Variants in ZNF407 observed in about 807,000 individuals in gnomAD.
The protein encoded by ZNF407 is zinc finger protein 407.
Under a neutral mutation model 131.2 loss-of-function variants are expected in ZNF407, and 17 were observed. The observed-to-expected ratio is 0.13, with a 90% confidence interval of 0.09 to 0.19. ZNF407 has a LOEUF of 0.19. Among genes scored for constraint, ZNF407 ranks in the 10% least tolerant of loss-of-function variants. ZNF407 has a pLI of 1.00. For missense variants in ZNF407, 2,681 were observed against 2,830.6 expected (o/e 0.95, Z 1.20); for synonymous variants, 1,156 against 1,062.0 (o/e 1.09, Z -1.72).
chr18:74,691,804 T>C (rs1337692287), intron 3 of ZNF407, among the ~76,000 whole-genome samples: 1 of 152,118 alleles, frequency 6.6e-6, no homozygotes, highest in African/African-American at 2.4e-5. Context: ...AAGTAAATAA[T>C]ATTTATGGGC....
rs1016372429 is a variant in ZNF407 at position 74,830,272 on chromosome 18, T to C, written c.4878-46925T>C. ...ATGTACACCCACATTTTAACCTTTT[T>C]TAAGATTATTTTATTTTATTACTTT... On this transcript the variant is annotated intron_variant, in intron 4 of 8. Coordinates refer to ENST00000299687, the MANE Select transcript of ZNF407 (RefSeq NM_017757.3). Among the ~76,000 whole-genome samples, 3 of 152,252 alleles carry C rather than the reference T, an allele frequency of 2.0e-5. No homozygotes were observed. The South Asian group carries it at 6.2e-4, about 32-fold the overall frequency.
At chr18:75,051,925 G>T (rs992602488) in intron 8 of ZNF407, among the ~76,000 whole-genome samples, 2 of 152,180 alleles carry the variant, frequency 1.3e-5, no homozygotes, top group Admixed American at 6.5e-5. Flanking sequence ...ACAGCCAGCT[G>T]CCCATTTGAC....
In ZNF407 at chr18:75,063,230, G is replaced by C. The variant is rs765964289; in HGVS notation, c.5509G>C (p.Ala1837Pro). ...FVETDSPFTA[A>P]ALAEEPLVKE... ...GGAGACAGACAGCCCCTTCACCGCGGCGGCCTTGGCAGAAGAGCCCCTCGT... is the reference window on the plus strand; with the variant it reads ...GGAGACAGACAGCCCCTTCACCGCGCCGGCCTTGGCAGAAGAGCCCCTCGT... The change falls in exon 9 of 9, where the codon GCG (alanine) becomes CCG (proline). Residue 1837 changes from alanine (A) to proline (P), a missense_variant. Transcript: ENST00000299687. This position sits in a 1 kb window ranked among gnomAD's most constrained non-coding sequence, Gnocchi z 6.6. The C allele has an allele frequency of 3.7e-6, 6 of 1,613,372 alleles. No individual in the cohort carries two copies. In the African/African-American group the frequency reaches 6.7e-5, roughly 18 times the overall value.
intron 4 of ZNF407, among the ~76,000 whole-genome samples, chr18:74,863,007 G>A (rs1466514855): frequency 2.0e-5 from 3 of 148,056 alleles, no homozygotes; most frequent in Admixed American, 6.9e-5. Flanking sequence ...TGCAACCTCC[G>A]CCTCCCAGGC....
At chr18:74,798,972 A>G (rs1267397689) in intron 4 of ZNF407, among the ~76,000 whole-genome samples, 3 of 152,112 alleles carry the variant, frequency 2.0e-5, no homozygotes, top group African/African-American at 7.2e-5. Flanking sequence ...CTTTTGTCTT[A>G]TATTTTTAAA....
chr18:75,048,703 A>T lies in ZNF407; in HGVS notation c.5429-14447A>T, dbSNP rs1223573335. 6.6e-6 allele frequency among the ~76,000 whole-genome samples: 1 copy of T among 152,182 alleles called. No individual in the cohort carries two copies. Among genetic ancestry groups the T allele is most frequent in the Admixed American group, 6.5e-5 (1 of 15,284 alleles). ...ACTAGATTATTTTCATCAACTTTAT[A>T]ACTATGTTTAAAATGTTTGTTTTGT... is the stretch of plus-strand genomic sequence containing the variant. On this transcript the variant is annotated intron_variant, in intron 8 of 8. Transcript: ENST00000299687. This position sits in a 1 kb window ranked among gnomAD's most constrained non-coding sequence, Gnocchi z 4.1.
intron 7 of ZNF407, among the ~76,000 whole-genome samples, chr18:74,908,743 A>G (rs2628114): frequency 0.97 from 147,760 of 152,238 alleles, 71,881 homozygotes; most frequent in East Asian, 1. Context: ...ATATATCTTA[A>G]GCTGTCTTAC....
At chr18:74,758,503 TATCC>T (rs1425587361) in intron 3 of ZNF407, among the ~76,000 whole-genome samples, 1 of 152,224 alleles carries the variant, frequency 6.6e-6, no homozygotes, top group East Asian at 1.9e-4. Context: ...TCTACTTTTA[TATCC>T]ATCAATACAA....
intron 8 of ZNF407, among the ~76,000 whole-genome samples, chr18:75,046,671 C>T (rs148008221): frequency 1.6e-3 from 245 of 152,154 alleles, no homozygotes; most frequent in African/African-American, 5.5e-3. Context: ...CTTTACTTCA[C>T]TCCCTGGAGC....
chr18:74,778,251 G>C (rs374747845), intron 3 of ZNF407, among the ~76,000 whole-genome samples: 42 of 152,224 alleles, frequency 2.8e-4, no homozygotes, highest in African/African-American at 9.1e-4. Context: ...CATCACATCT[G>C]TGAGAATGAA....
chr18:74,739,083 G>A (rs141015326), intron 3 of ZNF407, among the ~76,000 whole-genome samples: 5 of 151,558 alleles, frequency 3.3e-5, no homozygotes, highest in Admixed American at 3.3e-4. Context: ...CAACATGTAT[G>A]TTTTTTTCTG....
At chr18:74,623,446 G>A (rs1020515583) in intron 1 of ZNF407, among the ~76,000 whole-genome samples, 7 of 152,190 alleles carry the variant, frequency 4.6e-5, no homozygotes. Flanking sequence ...GAGGGAGAAA[G>A]GCAGAGAGAG....
At chr18:74,808,074 C>T (rs967010556) in intron 4 of ZNF407, among the ~76,000 whole-genome samples, 9 of 151,894 alleles carry the variant, frequency 5.9e-5, no homozygotes, top group African/African-American at 9.7e-5. Flanking sequence ...AGTTCGATGG[C>T]GCGATCTCGG....
chr18:74,736,716 G>A (rs1339868147), intron 3 of ZNF407, among the ~76,000 whole-genome samples: 1 of 152,060 alleles, frequency 6.6e-6, no homozygotes, highest in Non-Finnish European at 1.5e-5. Context: ...GAAAAGTTGT[G>A]GGGGTTATGT....
At chr18:74,726,481 A>G (rs1175950717) in intron 3 of ZNF407, among the ~76,000 whole-genome samples, 2 of 152,230 alleles carry the variant, frequency 1.3e-5, no homozygotes, top group Non-Finnish European at 2.9e-5. Flanking sequence ...ATTAAGATGC[A>G]TAAACCAATT....
intron 3 of ZNF407, among the ~76,000 whole-genome samples, chr18:74,756,114 G>A (rs1968956435): frequency 6.6e-6 from 1 of 151,356 alleles, no homozygotes; most frequent in African/African-American, 2.4e-5. Context: ...GGATGGTCTC[G>A]AACTCCTGAC....
chr18:74,865,712 T>C (rs1443002466), intron 4 of ZNF407, among the ~76,000 whole-genome samples: 2 of 152,224 alleles, frequency 1.3e-5, no homozygotes, highest in African/African-American at 4.8e-5. Context: ...TTAGAATATA[T>C]GAGAAGTAGA....
At chr18:74,917,105 A>G (rs1005246409) in intron 7 of ZNF407, among the ~76,000 whole-genome samples, 3 of 152,108 alleles carry the variant, frequency 2.0e-5, no homozygotes, top group African/African-American at 7.2e-5. Flanking sequence ...CATATATTTG[A>G]CAAGTAACCC....
chr18:74,636,955 T>G (rs943808320), intron 2 of ZNF407, among the ~76,000 whole-genome samples: 1 of 152,224 alleles, frequency 6.6e-6, no homozygotes, highest in Admixed American at 6.5e-5. Context: ...AATATGTACT[T>G]TCTTAATATG....
Sources: allele counts gnomAD v4.1 joint callset (sites outside exome capture counted in the v4.1 genomes callset), GRCh38; gene constraint gnomAD v4.1.1; non-coding constraint Gnocchi (gnomAD v3.1); transcripts MANE v1.5; gene names NCBI Gene and HGNC (gene_info 2026-07-23, HGNC 2026-07-21).